The following ARFGEF3 variants were observed in gnomAD, a reference collection of about 807,000 sequenced individuals.
ARFGEF3 encodes ARFGEF family member 3.
Under a neutral mutation model 221.7 loss-of-function variants are expected in ARFGEF3, and 96 were observed. That is an observed-to-expected ratio of 0.43 (90% confidence interval 0.37 to 0.51). The LOEUF (loss-of-function observed/expected upper bound fraction) is 0.51, where lower values mean the gene tolerates loss of function less well. Among genes scored for constraint, ARFGEF3 ranks in the 20% least tolerant of loss-of-function variants. ARFGEF3 has a pLI of 0.00. For missense variants in ARFGEF3, 2,410 were observed against 2,789.9 expected (o/e 0.86, Z 3.07); for synonymous variants, 1,145 against 1,126.8 (o/e 1.02, Z -0.32).
At chr6:138,313,967 GTT>G in intron 26 of ARFGEF3, 28 bp downstream of exon 26, 1 of 1,608,140 alleles carries the variant, frequency 6.2e-7, no homozygotes, top group African/African-American at 1.3e-5. Context: ...ACTAAACTAG[GTT>G]ATTTGCTGTG....
chr6:138,177,210 C>T (rs1027660821), intron 2 of ARFGEF3, among the ~76,000 whole-genome samples: 13 of 151,956 alleles, frequency 8.6e-5, no homozygotes, highest in Non-Finnish European at 1.3e-4. Context: ...CCACCTCAGC[C>T]TCCCTGTAGC....
intron 24 of ARFGEF3, among the ~76,000 whole-genome samples, chr6:138,309,969 A>C (rs997635146): frequency 6.6e-6 from 1 of 152,210 alleles, no homozygotes; most frequent in Non-Finnish European, 1.5e-5. Context: ...ATCATGCTCT[A>C]TCAGTGATCT....
intron 8 of ARFGEF3, among the ~76,000 whole-genome samples, chr6:138,250,958 C>T (rs1778571027): frequency 6.6e-6 from 1 of 152,214 alleles, no homozygotes; most frequent in South Asian, 2.1e-4. Flanking sequence ...TACACGCATA[C>T]ATGCTGCGTA....
In ARFGEF3 at chr6:138,260,336, T is replaced by C. The variant is rs116285934; in HGVS notation, c.1105-1191T>C. The stretch of plus-strand genomic sequence containing the variant: ...TGTAATGGACCTTTTCCTGCTTTGC[T>C]TGGAGTATCAATCACTTTGAAGATG... On this transcript the variant is annotated intron_variant, in intron 10 of 33. Coordinates refer to ENST00000251691, the MANE Select transcript of ARFGEF3 (RefSeq NM_020340.5). 3.8e-3 allele frequency among the ~76,000 whole-genome samples: 573 copies of C among 152,348 alleles called. 3 individuals are homozygous for C. Among genetic ancestry groups the C allele is most frequent in the African/African-American group, 0.013 (543 of 41,592 alleles).
At chr6:138,270,966 C>T (rs971842764) in intron 12 of ARFGEF3, among the ~76,000 whole-genome samples, 8 of 152,152 alleles carry the variant, frequency 5.3e-5, no homozygotes, top group Non-Finnish European at 1.2e-4. Context: ...AAGCCACAGA[C>T]TCCAAGCCAG....
At chr6:138,222,725 TA>T (rs937365820) in intron 4 of ARFGEF3, among the ~76,000 whole-genome samples, 1 of 152,190 alleles carries the variant, frequency 6.6e-6, no homozygotes, top group African/African-American at 2.4e-5. Context: ...TTTATTTTTT[TA>T]AAAAACTTCA....
intron 5 of ARFGEF3, 59 bp from the exon 6 acceptor site, chr6:138,238,450 A>G (rs1778334800): frequency 1.3e-6 from 2 of 1,563,466 alleles, no homozygotes; most frequent in Admixed American, 3.5e-5. Flanking sequence ...ATCCCAAAGA[A>G]TGTTGGTAAT....
intron 2 of ARFGEF3, among the ~76,000 whole-genome samples, chr6:138,194,174 A>G (rs1231923693): frequency 1.3e-5 from 2 of 151,800 alleles, no homozygotes; most frequent in Non-Finnish European, 2.9e-5. Context: ...AGGCTGAGGC[A>G]GGAGAATCAC....
At chr6:138,295,766 C>A (rs1253454794) in intron 20 of ARFGEF3, among the ~76,000 whole-genome samples, 1 of 152,042 alleles carries the variant, frequency 6.6e-6, no homozygotes, top group Non-Finnish European at 1.5e-5. Context: ...TCCAAAAATC[C>A]AAAATCCAAA....
intron 12 of ARFGEF3, among the ~76,000 whole-genome samples, chr6:138,264,999 G>C (rs1490878533): frequency 1.3e-5 from 2 of 151,466 alleles, no homozygotes; most frequent in South Asian, 2.1e-4. Context: ...CGCCTCCCGG[G>C]TTCATGCCAT....
chr6:138,217,888 G>A, intron 4 of ARFGEF3: 1 of 1,417,146 alleles, frequency 7.1e-7, no homozygotes, highest in Admixed American at 2.5e-5. Flanking sequence ...AAGTTGGAAT[G>A]GTTCAGTTAC....
chr6:138,323,245 G>A (rs1296117749), intron 29 of ARFGEF3, among the ~76,000 whole-genome samples: 1 of 152,182 alleles, frequency 6.6e-6, no homozygotes, highest in Non-Finnish European at 1.5e-5. Context: ...AAGGAGACTT[G>A]GCAGGGAGCT....
chr6:138,184,260 T>A (rs1777138164), intron 2 of ARFGEF3, among the ~76,000 whole-genome samples: 1 of 152,190 alleles, frequency 6.6e-6, no homozygotes, highest in Non-Finnish European at 1.5e-5. Flanking sequence ...ACTTCTACCA[T>A]CCTCATAGCT....
intron 29 of ARFGEF3, among the ~76,000 whole-genome samples, chr6:138,322,253 C>T (rs534890376): frequency 4.9e-4 from 75 of 152,262 alleles, no homozygotes; most frequent in East Asian, 1.9e-3. Context: ...TACATCTCCC[C>T]GTTCTCAGGC....
intron 23 of ARFGEF3, among the ~76,000 whole-genome samples, chr6:138,308,517 C>T (rs1439038182): frequency 1.3e-5 from 2 of 152,144 alleles, no homozygotes; most frequent in African/African-American, 2.4e-5. Flanking sequence ...GCTCTGCACT[C>T]GGCCAGCTCA....
At chr6:138,325,087 A>T (rs957454334) in intron 31 of ARFGEF3, among the ~76,000 whole-genome samples, 1 of 152,262 alleles carries the variant, frequency 6.6e-6, no homozygotes, top group Non-Finnish European at 1.5e-5. Flanking sequence ...TATTTTGCAT[A>T]TGCCTATGTA....
At position 138,321,093 on chromosome 6, in the gene ARFGEF3, T is replaced by A; in HGVS notation, c.4652-18T>A. On this transcript the variant is annotated intron_variant, in intron 28 of 33. Coordinates refer to ENST00000251691, the MANE Select transcript of ARFGEF3 (RefSeq NM_020340.5). ...ACACTAGAGCTGTGTGAAACTGTGA[T>A]TTTGCTGTTTCCCATAGATATCAGG... 1 of 1,448,806 alleles carries A rather than the reference T, an allele frequency of 6.9e-7. No homozygotes were observed. Among genetic ancestry groups the A allele is most frequent in the Middle Eastern group, 1.7e-4 (1 of 5,816 alleles). The allele number at this position is 1,448,806 out of a possible 1,614,324, so 89.7% of individuals were successfully genotyped here. A position where few individuals can be genotyped will look rare whatever the true frequency, so the allele number is the denominator to read the frequency against.
In ARFGEF3 at chr6:138,291,896, C is replaced by A; in HGVS notation, c.3211C>A (p.Arg1071Ser). The A allele has an allele frequency of 6.7e-7, 1 of 1,492,780 alleles. No individual in the cohort carries two copies. The highest frequency in any genetic ancestry group is 1.3e-5 in the South Asian group (1 of 77,788). 92.5% of individuals were successfully genotyped at this position (1,492,780 alleles called of 1,614,324 possible). ...SPPEHSPEQG[R>S]SLSTAPVVQP... ...CCCCGAGCACAGCCCGGAGCAGGGGCGCTCCCTGAGCACGGCCCCTGTCGT... is the reference window on the plus strand; with the variant it reads ...CCCCGAGCACAGCCCGGAGCAGGGGAGCTCCCTGAGCACGGCCCCTGTCGT... The change falls in exon 19 of 34, where the codon CGC becomes AGC. Residue 1071 changes from arginine to serine, a missense_variant. Transcript: ENST00000251691. This position sits in a 1 kb window ranked among gnomAD's most constrained non-coding sequence, Gnocchi z 4.5.
intron 4 of ARFGEF3, chr6:138,217,905 G>A (rs1293377317): frequency 6.8e-7 from 1 of 1,475,194 alleles, no homozygotes; most frequent in Admixed American, 2.3e-5. Context: ...TTACTTGGCT[G>A]GGCTTAAACA....
Sources: allele counts gnomAD v4.1 joint callset (sites outside exome capture counted in the v4.1 genomes callset), GRCh38; gene constraint gnomAD v4.1.1; non-coding constraint Gnocchi (gnomAD v3.1); transcripts MANE v1.5; gene names NCBI Gene and HGNC (gene_info 2026-07-23, HGNC 2026-07-21).